DLG2: variants seen among roughly 807,000 people sequenced by gnomAD.
DLG2 encodes the protein disks large homolog 2.
A neutral mutation model predicts 132.5 loss-of-function variants in DLG2; 45 were observed. The ratio of observed to expected loss-of-function variants is 0.34; its 90% CI spans 0.27 to 0.44. DLG2 has a LOEUF of 0.44. DLG2 is among the 20% of genes least tolerant of loss of function. The pLI is 1.00. For synonymous variants in DLG2, 424 were observed against 419.6 expected (o/e 1.01, Z -0.13); for missense variants, 1,045 against 1,196.9 (o/e 0.87, Z 1.87).
intron 4 of DLG2, among the ~76,000 whole-genome samples, chr11:85,195,920 C>CTT (rs2152541080): frequency 6.6e-6 from 1 of 152,174 alleles, no homozygotes; most frequent in East Asian, 1.9e-4. Flanking sequence ...ATTTCATATA[C>CTT]TTTGGTTTTA....
intron 6 of DLG2, among the ~76,000 whole-genome samples, chr11:85,032,072 G>A (rs2061051361): frequency 6.7e-6 from 1 of 150,186 alleles, no homozygotes; most frequent in Non-Finnish European, 1.5e-5. Flanking sequence ...CAAAGTGCTG[G>A]GATTATAGGC....
intron 3 of DLG2, among the ~76,000 whole-genome samples, chr11:85,302,402 T>C (rs1184582841): frequency 1.3e-5 from 2 of 152,158 alleles, no homozygotes; most frequent in Non-Finnish European, 2.9e-5. Flanking sequence ...TCAGGCAAGG[T>C]GGTAGGTAAG....
At chr11:84,400,232 G>A (rs2098824912) in intron 7 of DLG2, among the ~76,000 whole-genome samples, 1 of 152,188 alleles carries the variant, frequency 6.6e-6, no homozygotes, top group South Asian at 2.1e-4. Context: ...GCATTCATAT[G>A]TATATTCTCA....
At chr11:84,693,195 A>G (rs1398395992) in intron 6 of DLG2, among the ~76,000 whole-genome samples, 2 of 151,830 alleles carry the variant, frequency 1.3e-5, no homozygotes, top group African/African-American at 4.8e-5. Context: ...CTGTTAATTG[A>G]TGTGGAAAGT....
At chr11:85,482,061 G>C (rs2093308296) in intron 3 of DLG2, among the ~76,000 whole-genome samples, 1 of 151,648 alleles carries the variant, frequency 6.6e-6, no homozygotes, top group South Asian at 2.1e-4. Flanking sequence ...GCAGAATCAG[G>C]CTCCAGACCA....
rs756823416 is a variant in DLG2 at position 83,459,865 on chromosome 11, C to T, written c.2881G>A (p.Glu961Lys). ...ATCCAGATGAAAGGCCCAGATTGCT[C>T]TTCAATAACAAGCTTGCATTGGTTA... ...IYNQCKLVIE[E>K]QSGPFIWIPS... Residue 961 changes from glutamate (E) to lysine (K), a missense_variant, in exon 28 of 28, where the codon GAG becomes AAG. Physicochemically the swap from Glu to Lys is moderately conservative, Grantham distance 56 (BLOSUM62 1). Coordinates refer to ENST00000376104, the MANE Select transcript of DLG2 (RefSeq NM_001142699.3). 4.3e-6 allele frequency: 7 copies of T among 1,612,604 alleles called. No homozygotes were observed. The South Asian group carries it at 7.7e-5, about 18-fold the overall frequency.
chr11:84,591,223 C>CTCTCTGTGTGTGTGTGTGTG (rs1555073566), intron 6 of DLG2, among the ~76,000 whole-genome samples: 1 of 139,222 alleles, frequency 7.2e-6, no homozygotes, highest in Non-Finnish European at 1.5e-5. Flanking sequence ...ATGTGTCTCT[C>CTCTCTGTGTGTGTGTGTGTG]TGTGTGTGTG....
Position 84,842,450 on chromosome 11 carries a change from T to C in DLG2, c.357+269211A>G, listed in dbSNP as rs1031721695. The stretch of plus-strand genomic sequence containing the variant: ...TTTGAGGTATGATTCCAAAACACAT[T>C]CACTACTGAGCAGGGTGATGTCAAA... On this transcript the variant is annotated intron_variant, in intron 6 of 27. Transcript: ENST00000376104. Among the ~76,000 whole-genome samples, 9 of 151,902 alleles carry C rather than the reference T, an allele frequency of 5.9e-5. 1 individual carries two copies. The highest frequency in any genetic ancestry group is 2.2e-4 in the African/African-American group (9 of 41,418).
chr11:84,986,066 C>G (rs1179827857), intron 6 of DLG2, among the ~76,000 whole-genome samples: 2 of 139,222 alleles, frequency 1.4e-5, no homozygotes, highest in Non-Finnish European at 3.1e-5. Flanking sequence ...CAAGATTAAC[C>G]AAGAAAAGAA....
At chr11:84,203,296 C>T (rs530990234) in intron 8 of DLG2, among the ~76,000 whole-genome samples, 6 of 151,994 alleles carry the variant, frequency 3.9e-5, no homozygotes, top group African/African-American at 7.2e-5. Flanking sequence ...AAAAGGAATG[C>T]GATCCGCCAG....
chr11:84,087,395 A>G (rs1003362367), intron 10 of DLG2, among the ~76,000 whole-genome samples: 1 of 152,166 alleles, frequency 6.6e-6, no homozygotes, highest in Non-Finnish European at 1.5e-5. Flanking sequence ...GCTGTTCACC[A>G]ATGAATAATG....
At chr11:83,988,387 T>C (rs1487176595) in intron 11 of DLG2, among the ~76,000 whole-genome samples, 1 of 151,956 alleles carries the variant, frequency 6.6e-6, no homozygotes, top group African/African-American at 2.4e-5. Flanking sequence ...TTCTTTTTGC[T>C]TAGCAGGCTC....
intron 8 of DLG2, among the ~76,000 whole-genome samples, chr11:84,180,672 G>C (rs551420117): frequency 6.6e-6 from 1 of 152,122 alleles, no homozygotes; most frequent in African/African-American, 2.4e-5. Context: ...CTTGAAAGAA[G>C]CTAGTGGGGG....
chr11:83,532,587 A>G (rs1271114360), intron 21 of DLG2, 121 bp downstream of exon 21: 1 of 762,376 alleles, frequency 1.3e-6, no homozygotes, highest in African/African-American at 1.8e-5. Flanking sequence ...ATATATTTAT[A>G]ACAGTGCTCT....
chr11:84,237,475 C>T (rs1598116761), intron 8 of DLG2, among the ~76,000 whole-genome samples: 1 of 152,110 alleles, frequency 6.6e-6, no homozygotes. Context: ...TGTGACAGCT[C>T]ATTAGATTGG....
Position 84,701,980 on chromosome 11 carries a change from C to A in DLG2, c.358-167249G>T, listed in dbSNP as rs2059275530. 2.6e-5 allele frequency among the ~76,000 whole-genome samples: 4 copies of A among 151,542 alleles called. No individual in the cohort carries two copies. In the South Asian group the frequency reaches 8.3e-4, roughly 31 times the overall value. ...ATCCTATGAACTCTAATGGAATTAC[C>A]AAATCCCATGTTTTTCTCAATAATT... On this transcript the variant is annotated intron_variant, in intron 6 of 27. Coordinates refer to ENST00000376104, the MANE Select transcript of DLG2 (RefSeq NM_001142699.3).
At chr11:84,747,012 G>A (rs1372298197) in intron 6 of DLG2, among the ~76,000 whole-genome samples, 1 of 152,094 alleles carries the variant, frequency 6.6e-6, no homozygotes, top group Non-Finnish European at 1.5e-5. Flanking sequence ...TGAATCACAT[G>A]GCCAGTCCAG....
intron 6 of DLG2, among the ~76,000 whole-genome samples, chr11:85,060,455 ATGTG>A (rs111687482): frequency 8.1e-5 from 12 of 148,484 alleles, no homozygotes; most frequent in African/African-American, 2.0e-4. Context: ...GCATATGCAT[ATGTG>A]TGTGTGTGTA....
intron 21 of DLG2, among the ~76,000 whole-genome samples, chr11:83,502,541 A>G (rs1262159656): frequency 6.6e-6 from 1 of 152,144 alleles, no homozygotes; most frequent in African/African-American, 2.4e-5. Flanking sequence ...ACCACTGAAT[A>G]CTTTTGATGG....
Sources: gnomAD v4.1 joint callset for allele counts (sites outside exome capture counted in the v4.1 genomes callset) on GRCh38, gnomAD v4.1.1 for gene constraint, MANE v1.5 for transcripts, NCBI Gene and HGNC (gene_info 2026-07-23, HGNC 2026-07-21) for gene names.